Variants in PRKCE observed in about 807,000 individuals in gnomAD.
PRKCE encodes the protein protein kinase C epsilon type.
A neutral mutation model predicts 85.4 loss-of-function variants in PRKCE; 16 were observed. The ratio of observed to expected loss-of-function variants is 0.19; its 90% CI spans 0.13 to 0.28. The LOEUF (loss-of-function observed/expected upper bound fraction) is 0.28, where lower values mean the gene tolerates loss of function less well. Among genes scored for constraint, PRKCE ranks in the 10% least tolerant of loss-of-function variants. The probability of loss-of-function intolerance (pLI) is 1.00; values close to 1 mark genes in which losing one functional copy is unlikely to be tolerated. For synonymous variants in PRKCE, 388 were observed against 371.5 expected (o/e 1.04, Z -0.51); for missense variants, 573 against 975.2 (o/e 0.59, Z 5.49).
intron 2 of PRKCE, among the ~76,000 whole-genome samples, chr2:45,912,873 A>C (rs370987020): frequency 4.6e-5 from 7 of 152,234 alleles, no homozygotes; most frequent in African/African-American, 1.7e-4. Context: ...ACCACCATCC[A>C]ACCCACGCCA....
At chr2:45,829,943 G>A (rs1690269628) in intron 1 of PRKCE, among the ~76,000 whole-genome samples, 1 of 151,376 alleles carries the variant, frequency 6.6e-6, no homozygotes, top group Non-Finnish European at 1.5e-5. Context: ...CGTGGTAGCG[G>A]GCGCCTGTAG....
intron 1 of PRKCE, among the ~76,000 whole-genome samples, chr2:45,804,760 ATTAC>A (rs1434620944): frequency 6.6e-6 from 1 of 152,202 alleles, no homozygotes; most frequent in Non-Finnish European, 1.5e-5. Context: ...GGGACTTAAC[ATTAC>A]TGGCAGTCGG....
At chr2:46,036,190 G>C (rs1014763682) in intron 10 of PRKCE, among the ~76,000 whole-genome samples, 10 of 152,178 alleles carry the variant, frequency 6.6e-5, no homozygotes, top group Non-Finnish European at 1.5e-4. Context: ...GTGATGCTCT[G>C]CTCATGGTTG....
intron 1 of PRKCE, among the ~76,000 whole-genome samples, chr2:45,666,462 C>A (rs1227787270): frequency 6.6e-6 from 1 of 151,760 alleles, no homozygotes; most frequent in Non-Finnish European, 1.5e-5. Context: ...CCAGGTGGAT[C>A]TCTTATCCTC....
At chr2:45,890,341 C>T (rs760612878) in intron 2 of PRKCE, among the ~76,000 whole-genome samples, 1 of 152,126 alleles carries the variant, frequency 6.6e-6, no homozygotes, top group Non-Finnish European at 1.5e-5. Context: ...TACTTCAGTA[C>T]ATAGTACTCT....
At chr2:45,926,970 G>A (rs1698668346) in intron 2 of PRKCE, among the ~76,000 whole-genome samples, 1 of 152,204 alleles carries the variant, frequency 6.6e-6, no homozygotes, top group African/African-American at 2.4e-5. Flanking sequence ...GTGCATGTGT[G>A]AGCGTGCATG....
chr2:46,184,813 A>G lies in PRKCE; in HGVS notation c.2146A>G (p.Ile716Val). 1.3e-6 allele frequency: 2 copies of G among 1,599,760 alleles called. No homozygotes were observed. The highest frequency in any genetic ancestry group is 1.7e-6 in the Non-Finnish European group (2 of 1,179,952). Reference sequence around the variant, plus strand: ...GGTACTCACCCTTGTGGACGAAGCAATTGTAAAGCAGATCAACCAGGAGGA... The same window carrying G: ...GGTACTCACCCTTGTGGACGAAGCAGTTGTAAAGCAGATCAACCAGGAGGA... ...EPVLTLVDEAIVKQINQEEFK... is the reference protein window; with the variant it reads ...EPVLTLVDEAVVKQINQEEFK... Residue 716 changes from isoleucine (I) to valine (V), a missense_variant, in exon 15 of 15, where the codon ATT becomes GTT. Ile to Val is a conservative substitution (Grantham distance 29). Coordinates refer to ENST00000306156, the MANE Select transcript of PRKCE (RefSeq NM_005400.3). The surrounding 1 kb of genome is among the most constrained non-coding windows in gnomAD (Gnocchi z 5.0).
intron 1 of PRKCE, among the ~76,000 whole-genome samples, chr2:45,696,532 G>A (rs1270116728): frequency 7.9e-5 from 12 of 152,066 alleles, no homozygotes; most frequent in African/African-American, 2.7e-4. Flanking sequence ...TACATTTTGG[G>A]TTTGGTGTTG....
chr2:45,939,824 A>G (rs1472994532), intron 2 of PRKCE, among the ~76,000 whole-genome samples: 1 of 152,172 alleles, frequency 6.6e-6, no homozygotes, highest in East Asian at 1.9e-4. Context: ...AAGTGCTGGG[A>G]TTACAGGCGT....
chr2:45,922,473 G>C (rs1007128741), intron 2 of PRKCE, among the ~76,000 whole-genome samples: 1 of 152,112 alleles, frequency 6.6e-6, no homozygotes, highest in African/African-American at 2.4e-5. Flanking sequence ...TCCATGGAGG[G>C]GGTCAACTGC....
Position 45,907,816 on chromosome 2 carries a change from C to A in PRKCE, c.412+64753C>A, listed in dbSNP as rs1697094743. On this transcript the variant is annotated intron_variant, in intron 2 of 14. Coordinates refer to ENST00000306156, the MANE Select transcript of PRKCE (RefSeq NM_005400.3). The surrounding 1 kb of genome is among the most constrained non-coding windows in gnomAD (Gnocchi z 4.5). The stretch of plus-strand genomic sequence containing the variant: ...GTGGGTGTCATAGCAGTCCCTACTT[C>A]ACAGCCTCACCGTGCCCATCCTCTG... Among the ~76,000 whole-genome samples the A allele has an allele frequency of 1.3e-5, 2 of 152,206 alleles. No individual in the cohort carries two copies. The highest frequency in any genetic ancestry group is 1.3e-4 in the Admixed American group (2 of 15,290).
At chr2:45,888,913 C>G (rs1695502033) in intron 2 of PRKCE, among the ~76,000 whole-genome samples, 1 of 152,090 alleles carries the variant, frequency 6.6e-6, no homozygotes, top group Non-Finnish European at 1.5e-5. Flanking sequence ...CAAGGAGAAT[C>G]AAAAGTGGGG....
At chr2:46,007,177 G>T (rs951952653) in intron 8 of PRKCE, among the ~76,000 whole-genome samples, 1 of 152,244 alleles carries the variant, frequency 6.6e-6, no homozygotes, top group African/African-American at 2.4e-5. Flanking sequence ...GCCAAAGGGG[G>T]CTTTCAGAGA....
At chr2:45,980,616 TC>T (rs1574101840) in intron 5 of PRKCE, among the ~76,000 whole-genome samples, 1 of 152,224 alleles carries the variant, frequency 6.6e-6, no homozygotes, top group Non-Finnish European at 1.5e-5. Context: ...TGCAGTGTGA[TC>T]CCAGCACTGA....
chr2:45,719,431 C>G (rs1055443951), intron 1 of PRKCE, among the ~76,000 whole-genome samples: 3 of 152,156 alleles, frequency 2.0e-5, no homozygotes, highest in Non-Finnish European at 4.4e-5. Flanking sequence ...TGCTGACATC[C>G]TTTGGTTTAT....
chr2:45,987,084 A>G (rs1703388485), intron 6 of PRKCE, among the ~76,000 whole-genome samples: 1 of 151,974 alleles, frequency 6.6e-6, no homozygotes, highest in Non-Finnish European at 1.5e-5. Context: ...ACCTAAATGA[A>G]GATACTATCA....
intron 10 of PRKCE, among the ~76,000 whole-genome samples, chr2:46,029,871 G>T (rs1411057761): frequency 1.3e-5 from 2 of 152,016 alleles, no homozygotes. Context: ...ATTTGCTGGG[G>T]TCCTTGTACC....
rs141320212 is a variant in PRKCE, at chr2:45,797,579, G to A, written c.349-45421G>A. Among the ~76,000 whole-genome samples the A allele has an allele frequency of 4.4e-4, 67 of 152,332 alleles. 3 individuals carry two copies. The East Asian group carries it at 0.011, about 25-fold the overall frequency. ...TCTCCTTAATTAATTCGCTCTGCAA[G>A]CCAGCCAACCCCACTGAAGCTCTGG... On this transcript the variant is annotated intron_variant, in intron 1 of 14. Transcript: ENST00000306156.
chr2:46,090,986 G>C (rs1188434223), intron 11 of PRKCE, among the ~76,000 whole-genome samples: 2 of 152,124 alleles, frequency 1.3e-5, no homozygotes, highest in Non-Finnish European at 2.9e-5. Flanking sequence ...GCAGCTAATT[G>C]GTTCATGTCC....
Sources: gnomAD v4.1 joint callset for allele counts (sites outside exome capture counted in the v4.1 genomes callset) on GRCh38, gnomAD v4.1.1 for gene constraint, Gnocchi (gnomAD v3.1) non-coding constraint, MANE v1.5 for transcripts, NCBI Gene and HGNC (gene_info 2026-07-23, HGNC 2026-07-21) for gene names.